The following ST18 variants were observed in gnomAD, a reference collection of about 807,000 sequenced individuals.
ST18 encodes the protein suppression of tumorigenicity 18 protein.
Under a neutral mutation model 110.0 loss-of-function variants are expected in ST18, and 50 were observed. That is an observed-to-expected ratio of 0.45 (90% confidence interval 0.36 to 0.58). The LOEUF is 0.58. Ranked by LOEUF, ST18 falls within the 20% of genes least tolerant of loss-of-function variation. ST18 has a pLI of 0.00. For missense variants in ST18, 1,306 were observed against 1,280.1 expected (o/e 1.02, Z -0.31); for synonymous variants, 461 against 452.4 (o/e 1.02, Z -0.24).
intron 2 of ST18, among the ~76,000 whole-genome samples, chr8:52,333,747 C>A (rs1338901799): frequency 6.6e-6 from 1 of 152,150 alleles, no homozygotes; most frequent in Admixed American, 6.5e-5. Flanking sequence ...CTATTGTGTA[C>A]AATATGTGAA....
At chr8:52,132,983 G>T (rs1389699406) in intron 21 of ST18, 74 bp downstream of exon 21, 22 of 1,509,530 alleles carry the variant, frequency 1.5e-5, no homozygotes, top group Non-Finnish European at 2.0e-5. Flanking sequence ...GTGTTCAATT[G>T]CATCCCAACC....
chr8:52,326,981 G>A (rs1160482045), intron 2 of ST18, among the ~76,000 whole-genome samples: 1 of 152,176 alleles, frequency 6.6e-6, no homozygotes, highest in East Asian at 1.9e-4. Flanking sequence ...AAGGGAGACT[G>A]CCCACTCTCT....
At chr8:52,361,146 T>C (rs1825575230) in intron 2 of ST18, among the ~76,000 whole-genome samples, 1 of 152,248 alleles carries the variant, frequency 6.6e-6, no homozygotes, top group Non-Finnish European at 1.5e-5. Flanking sequence ...CAAAATGTTA[T>C]CTTGCAACAT....
chr8:52,375,899 C>T (rs1004876257), intron 2 of ST18, among the ~76,000 whole-genome samples: 6 of 152,164 alleles, frequency 3.9e-5, no homozygotes, highest in African/African-American at 7.2e-5. Flanking sequence ...CACTTCCTCC[C>T]GTTAATTGCT....
intron 2 of ST18, among the ~76,000 whole-genome samples, chr8:52,321,173 C>T (rs189785410): frequency 6.6e-5 from 10 of 152,122 alleles, no homozygotes; most frequent in Admixed American, 1.3e-4. Flanking sequence ...AACACCTGGA[C>T]GGGAAGAGAC....
At chr8:52,266,403 T>C (rs2094870762) in intron 2 of ST18, among the ~76,000 whole-genome samples, 1 of 151,928 alleles carries the variant, frequency 6.6e-6, no homozygotes, top group South Asian at 2.1e-4. Flanking sequence ...GCTAGTGAAA[T>C]AGAGAGAGGG....
intron 2 of ST18, among the ~76,000 whole-genome samples, chr8:52,327,697 C>A (rs1013549367): frequency 1.3e-5 from 2 of 152,156 alleles, no homozygotes; most frequent in Admixed American, 1.3e-4. Context: ...CCAGTGCCAC[C>A]CAGTTGCTGG....
intron 6 of ST18, among the ~76,000 whole-genome samples, chr8:52,215,191 T>C (rs1020134698): frequency 1.3e-5 from 2 of 152,214 alleles, no homozygotes; most frequent in Non-Finnish European, 2.9e-5. Context: ...GCTGCATTTC[T>C]GCTCTCAGAG....
intron 2 of ST18, among the ~76,000 whole-genome samples, chr8:52,305,390 C>T (rs981881954): frequency 6.6e-6 from 1 of 152,206 alleles, no homozygotes; most frequent in Admixed American, 6.5e-5. Context: ...CCTCCTTGAT[C>T]TTCTCCTTAC....
intron 2 of ST18, among the ~76,000 whole-genome samples, chr8:52,374,397 A>C (rs1462506005): frequency 6.6e-6 from 1 of 152,126 alleles, no homozygotes; most frequent in Non-Finnish European, 1.5e-5. Context: ...AGAGGCAGGA[A>C]CACACTCCCT....
At chr8:52,189,010 T>C (rs769369454) in intron 8 of ST18, among the ~76,000 whole-genome samples, 5 of 152,166 alleles carry the variant, frequency 3.3e-5, no homozygotes, top group Admixed American at 6.6e-5. Context: ...GACCTTTTGA[T>C]TGACACACTA....
intron 2 of ST18, among the ~76,000 whole-genome samples, chr8:52,397,342 A>AT (rs771130879): frequency 2.0e-5 from 3 of 152,194 alleles, no homozygotes; most frequent in Non-Finnish European, 4.4e-5. Flanking sequence ...TTTTTCTGCT[A>AT]TTGAACTATA....
At chr8:52,318,888 G>T (rs1027796056) in intron 2 of ST18, among the ~76,000 whole-genome samples, 37 of 151,612 alleles carry the variant, frequency 2.4e-4, no homozygotes, top group African/African-American at 4.9e-4. Context: ...ATGGACACAT[G>T]GGGGGGTGGG....
chr8:52,398,720 C>T (rs1841974178), intron 2 of ST18, among the ~76,000 whole-genome samples: 1 of 152,016 alleles, frequency 6.6e-6, no homozygotes, highest in Non-Finnish European at 1.5e-5. Context: ...AGTTATTTTC[C>T]TTCATTCTGC....
At chr8:52,388,779 C>T (rs866641307) in intron 2 of ST18, among the ~76,000 whole-genome samples, 10 of 128,784 alleles carry the variant, frequency 7.8e-5, no homozygotes, top group East Asian at 4.4e-4. Flanking sequence ...AACACATGGA[C>T]ACAGGAAGGG....
At chr8:52,337,937 C>T (rs375657687) in intron 2 of ST18, among the ~76,000 whole-genome samples, 1 of 152,264 alleles carries the variant, frequency 6.6e-6, no homozygotes, top group East Asian at 1.9e-4. Flanking sequence ...TAGCCCATAC[C>T]CTTTATATTT....
intron 2 of ST18, among the ~76,000 whole-genome samples, chr8:52,359,178 T>C (rs1455999848): frequency 1.3e-5 from 2 of 151,740 alleles, no homozygotes; most frequent in Non-Finnish European, 2.9e-5. Flanking sequence ...AAAAATTCAA[T>C]ACTATTTCAA....
chr8:52,337,408 G>A (rs1356670331), intron 2 of ST18, among the ~76,000 whole-genome samples: 2 of 152,218 alleles, frequency 1.3e-5, no homozygotes, highest in Non-Finnish European at 2.9e-5. Flanking sequence ...GAAACTGCAA[G>A]TACTCTCTCT....
At chr8:52,293,093 T>C (rs144289244) in intron 2 of ST18, among the ~76,000 whole-genome samples, 1 of 152,364 alleles carries the variant, frequency 6.6e-6, no homozygotes, top group African/African-American at 2.4e-5. Context: ...TCCGCATATA[T>C]ACCCCTAAAA....
Sources: allele counts gnomAD v4.1 joint callset (sites outside exome capture counted in the v4.1 genomes callset), GRCh38; gene constraint gnomAD v4.1.1; transcripts MANE v1.5; gene names NCBI Gene and HGNC (gene_info 2026-07-23, HGNC 2026-07-21).